APH1B: variants seen among roughly 807,000 people sequenced by gnomAD.
APH1B encodes the protein aph-1B gamma-secretase subunit.
Under a neutral mutation model 28.2 loss-of-function variants are expected in APH1B, and 27 were observed. The observed-to-expected ratio is 0.96, with a 90% CI of 0.70 to 1.32. The LOEUF (loss-of-function observed/expected upper bound fraction) is 1.32, where lower values mean the gene tolerates loss of function less well. Ranked by LOEUF, APH1B falls within the 40% of genes most tolerant of loss-of-function variation. APH1B has a pLI of 0.00. For missense variants in APH1B, 305 were observed against 313.6 expected, an observed-to-expected ratio of 0.97 and a Z score of 0.21; for synonymous variants, 141 against 124.6, an observed-to-expected ratio of 1.13 and a Z score of -0.88.
At chr15:63,295,578 G>A (rs1377911271) in intron 4 of APH1B, among the ~76,000 whole-genome samples, 1 of 152,198 alleles carries the variant, frequency 6.6e-6, no homozygotes, top group Non-Finnish European at 1.5e-5. Flanking sequence ...CACCACTATT[G>A]ACACCTGGGG....
intron 2 of APH1B, among the ~76,000 whole-genome samples, chr15:63,281,070 A>C (rs2038380904): frequency 6.6e-6 from 1 of 151,966 alleles, no homozygotes; most frequent in Non-Finnish European, 1.5e-5. Context: ...TAGGAGGCGG[A>C]GGTTGCAGTG....
intron 4 of APH1B, among the ~76,000 whole-genome samples, chr15:63,294,543 G>A (rs1409666108): frequency 6.6e-6 from 1 of 152,180 alleles, no homozygotes; most frequent in African/African-American, 2.4e-5. Context: ...CAGGGTTCCT[G>A]CATTGCCCCA....
chr15:63,307,685 T>G lies in APH1B; in HGVS notation c.*1904T>G, dbSNP rs994025501. 18 of 152,252 alleles carry G rather than the reference T, an allele frequency of 1.2e-4. No individual in the cohort carries two copies. Among genetic ancestry groups the G allele is most frequent in the Admixed American group, 5.9e-4 (9 of 15,284 alleles). The allele number at this position is 152,252 out of a possible 1,614,324, so 9.4% of individuals were successfully genotyped here. ...TAGTTGGTTATTATGGACTTAAAAC[T>G]GTGTTAAATGGATATTCTGATAAAA... On this transcript the variant is annotated 3_prime_UTR_variant, in exon 6 of 6. Coordinates refer to ENST00000261879, the MANE Select transcript of APH1B (RefSeq NM_031301.4).
At chr15:63,292,343 G>A (rs1463897228) in intron 4 of APH1B, among the ~76,000 whole-genome samples, 1 of 152,178 alleles carries the variant, frequency 6.6e-6, no homozygotes, top group African/African-American at 2.4e-5. Flanking sequence ...TACTCTATAC[G>A]CTGTATATAT....
chr15:63,296,437 G>T (rs1401913344), intron 4 of APH1B, among the ~76,000 whole-genome samples: 2 of 152,222 alleles, frequency 1.3e-5, no homozygotes, highest in Non-Finnish European at 2.9e-5. Context: ...TACCCTGCCC[G>T]TGTTAGGGGA....
At chr15:63,283,966 T>C (rs566108873) in intron 2 of APH1B, among the ~76,000 whole-genome samples, 3 of 152,338 alleles carry the variant, frequency 2.0e-5, no homozygotes, top group African/African-American at 7.2e-5. Flanking sequence ...CATTGAATCA[T>C]CTTGCACTCT....
chr15:63,285,970 A>G (rs900431524), intron 2 of APH1B, among the ~76,000 whole-genome samples: 12 of 152,236 alleles, frequency 7.9e-5, no homozygotes, highest in African/African-American at 2.7e-4. Flanking sequence ...TCAGACCATC[A>G]GTATTATAGG....
chr15:63,297,059 C>T (rs1421981590), intron 4 of APH1B, among the ~76,000 whole-genome samples: 1 of 152,232 alleles, frequency 6.6e-6, no homozygotes, highest in Non-Finnish European at 1.5e-5. Context: ...CCATTATCGA[C>T]TAGACAGTTA....
In APH1B at chr15:63,287,503, A is replaced by T; in HGVS notation, c.435A>T (p.Thr145=). 1 of 1,614,014 alleles carries T rather than the reference A, an allele frequency of 6.2e-7. No individual in the cohort carries two copies. Among genetic ancestry groups the T allele is most frequent in the Non-Finnish European group, 8.5e-7 (1 of 1,179,860 alleles). The change falls in exon 4 of 6, where the codon ACA becomes ACT. Residue 145 remains threonine, a synonymous_variant. Coordinates refer to ENST00000261879, the MANE Select transcript of APH1B (RefSeq NM_031301.4). ...NTLSDSLGPG[T]VGIHGDSPQF... Reference sequence around the variant, plus strand: ...TATCTGACTCCTTGGGGCCAGGCACAGTGGGCATTCATGGAGATTCTCCTC... The same window carrying T: ...TATCTGACTCCTTGGGGCCAGGCACTGTGGGCATTCATGGAGATTCTCCTC...
chr15:63,282,196 C>A (rs995708870), intron 2 of APH1B, among the ~76,000 whole-genome samples: 8 of 152,110 alleles, frequency 5.3e-5, no homozygotes, highest in African/African-American at 1.9e-4. Flanking sequence ...ATATTGCATT[C>A]AAATATAGGG....
Position 63,304,183 on chromosome 15 carries a change from G to A in APH1B, c.607-1431G>A, listed in dbSNP as rs1736814291. Among the ~76,000 whole-genome samples the A allele has an allele frequency of 6.6e-6, 1 of 152,170 alleles. No homozygotes were observed. The highest frequency in any genetic ancestry group is 2.4e-5 in the African/African-American group (1 of 41,442). On this transcript the variant is annotated intron_variant, in intron 5 of 5. Coordinates refer to ENST00000261879, the MANE Select transcript of APH1B (RefSeq NM_031301.4). This position sits in a 1 kb window ranked among gnomAD's most constrained non-coding sequence, Gnocchi z 5.1. ...ATTAATAGGTTGAGCCCCATGTTGT[G>A]TGGCTCCGTTGACAGAAATACCAAA...
At chr15:63,299,749 A>G (rs983778509) in intron 4 of APH1B, among the ~76,000 whole-genome samples, 1 of 152,064 alleles carries the variant, frequency 6.6e-6, no homozygotes, top group East Asian at 1.9e-4. Flanking sequence ...CTATAGGAGC[A>G]TAATTGTGTC....
At chr15:63,286,495 G>A in intron 2 of APH1B, 63 bp from the exon 3 acceptor site, 1 of 1,379,706 alleles carries the variant, frequency 7.2e-7, no homozygotes, top group Non-Finnish European at 9.9e-7. Flanking sequence ...GGACTTTCCT[G>A]ATATATTGCT....
At chr15:63,290,149 T>A (rs2038490622) in intron 4 of APH1B, among the ~76,000 whole-genome samples, 1 of 152,252 alleles carries the variant, frequency 6.6e-6, no homozygotes, top group Admixed American at 6.5e-5. Context: ...CAGCCTGTAG[T>A]ATATATCTGT....
chr15:63,288,490 C>T (rs892890871), intron 4 of APH1B, among the ~76,000 whole-genome samples: 3 of 152,204 alleles, frequency 2.0e-5, no homozygotes, highest in African/African-American at 7.2e-5. Flanking sequence ...TTGACATCTC[C>T]TCTCTGGCTT....
intron 4 of APH1B, among the ~76,000 whole-genome samples, chr15:63,288,398 G>C (rs566261175): frequency 6.6e-6 from 1 of 152,298 alleles, no homozygotes; most frequent in Admixed American, 6.5e-5. Flanking sequence ...GAGGCATGTT[G>C]AATGTCATAG....
chr15:63,278,242 G>GAAA (rs11359006), intron 1 of APH1B: 16 of 427,310 alleles, frequency 3.7e-5, no homozygotes, highest in Non-Finnish European at 5.1e-5. Flanking sequence ...TCGGGCTTCA[G>GAAA]AAAAAAAAAA....
chr15:63,279,413 A>G, intron 2 of APH1B, 82 bp downstream of exon 2: 2 of 1,323,304 alleles, frequency 1.5e-6, no homozygotes, highest in Non-Finnish European at 2.1e-6. Context: ...TGAATATAGT[A>G]TTGTATCTAT....
At chr15:63,293,483 T>TTTCTTC (rs956326112) in intron 4 of APH1B, among the ~76,000 whole-genome samples, 4 of 150,506 alleles carry the variant, frequency 2.7e-5, no homozygotes, top group African/African-American at 9.8e-5. Context: ...TTTGTGTGTT[T>TTTCTTC]TTCTTCTTCT....
Sources: gnomAD v4.1 joint callset for allele counts (sites outside exome capture counted in the v4.1 genomes callset) on GRCh38, gnomAD v4.1.1 for gene constraint, Gnocchi (gnomAD v3.1) non-coding constraint, MANE v1.5 for transcripts, NCBI Gene and HGNC (gene_info 2026-07-23, HGNC 2026-07-21) for gene names.